C5orf47: variants seen among roughly 807,000 people sequenced by gnomAD.
C5orf47 encodes chromosome 5 open reading frame 47.
A neutral mutation model predicts 20.6 loss-of-function variants in C5orf47; 20 were observed. That is an observed-to-expected ratio of 0.97 (90% confidence interval 0.68 to 1.41). The LOEUF is 1.41. C5orf47 is among the 40% of genes most tolerant of loss of function. The pLI, the probability that C5orf47 is intolerant of heterozygous loss-of-function variation, is 0.00. For synonymous variants in C5orf47, 106 were observed against 97.3 expected, an observed-to-expected ratio of 1.09 and a Z score of -0.53; for missense variants, 262 against 238.4, an observed-to-expected ratio of 1.10 and a Z score of -0.65.
At chr5:174,003,252 G>A (rs960904390) in intron 4 of C5orf47, among the ~76,000 whole-genome samples, 5 of 152,238 alleles carry the variant, frequency 3.3e-5, no homozygotes, top group Admixed American at 3.3e-4. Context: ...GATGTCATTT[G>A]TGGAAAGATT....
chr5:173,990,564 A>G (rs780163868), intron 1 of C5orf47, among the ~76,000 whole-genome samples: 2 of 152,010 alleles, frequency 1.3e-5, no homozygotes, highest in African/African-American at 2.4e-5. Context: ...CCTCCCAGGT[A>G]GCTGAGATTA....
At position 173,998,173 on chromosome 5, in the gene C5orf47, G is replaced by A; in HGVS notation, c.346G>A (p.Ala116Thr). Residue 116 changes from alanine (A) to threonine (T), a missense_variant, in exon 2 of 5, where the codon GCT becomes ACT. By Grantham distance (58) the Ala-to-Thr change is moderately conservative. Coordinates refer to ENST00000340147, the MANE Select transcript of C5orf47 (RefSeq NM_001144954.2). Reference sequence around the variant, plus strand: ...ATTAGGTTTAATCCAGAAGGATGCAGCTAAAAAGTATGATTTTCCCATACC... The same window carrying A: ...ATTAGGTTTAATCCAGAAGGATGCAACTAAAAAGTATGATTTTCCCATACC... ...ARAGLIQKDA[A>T]KKYDFPIPLN... 3 of 1,541,418 alleles carry A rather than the reference G, an allele frequency of 1.9e-6. No individual in the cohort carries two copies. The highest frequency in any genetic ancestry group is 2.6e-6 in the Non-Finnish European group (3 of 1,140,820).
At chr5:173,994,245 C>T (rs1250622581) in intron 1 of C5orf47, among the ~76,000 whole-genome samples, 2 of 152,216 alleles carry the variant, frequency 1.3e-5, no homozygotes, top group African/African-American at 4.8e-5. Flanking sequence ...CGGTGCATCT[C>T]ATCGATTTGC....
downstream of C5orf47, among the ~76,000 whole-genome samples, chr5:174,006,429 AT>A (rs758978562): frequency 2.0e-5 from 3 of 152,198 alleles, no homozygotes; most frequent in Non-Finnish European, 4.4e-5. Flanking sequence ...TCAAAATATC[AT>A]TCAGCCATTT....
chr5:174,003,993 C>A (rs148119769), intron 4 of C5orf47, among the ~76,000 whole-genome samples: 225 of 152,294 alleles, frequency 1.5e-3, no homozygotes, highest in African/African-American at 5.1e-3. Context: ...AAGCCTGTGA[C>A]ACAATGTTTC....
downstream of C5orf47, among the ~76,000 whole-genome samples, chr5:174,008,998 A>G (rs1459505658): frequency 1.3e-5 from 2 of 152,164 alleles, no homozygotes; most frequent in African/African-American, 2.4e-5. Context: ...GTAGACTATC[A>G]TAAAATGGAA....
intron 3 of C5orf47, 23 bp downstream of exon 3, chr5:173,999,822 G>A: frequency 7.7e-7 from 1 of 1,294,576 alleles, no homozygotes; most frequent in Middle Eastern, 1.8e-4. Flanking sequence ...AATTTTTATT[G>A]TATTAAAAAG....
downstream of C5orf47, among the ~76,000 whole-genome samples, chr5:174,006,592 AT>A (rs774855108): frequency 1.3e-5 from 2 of 152,210 alleles, no homozygotes; most frequent in Non-Finnish European, 2.9e-5. Context: ...GTCTTGGGTA[AT>A]CTGGGAATCT....
chr5:174,003,382 C>G (rs933193718), intron 4 of C5orf47, among the ~76,000 whole-genome samples: 1 of 151,972 alleles, frequency 6.6e-6, no homozygotes, highest in Non-Finnish European at 1.5e-5. Context: ...GATAGATGAT[C>G]AGGTATGGGG....
At chr5:173,999,978 GCAGTGAGCA>G (rs1759166950) in intron 3 of C5orf47, among the ~76,000 whole-genome samples, 179 bp downstream of exon 3, 1 of 151,936 alleles carries the variant, frequency 6.6e-6, no homozygotes, top group African/African-American at 2.4e-5. Context: ...GCACCTGCAA[GCAGTGAGCA>G]CAGAGAGCAC....
rs764391824 is a variant in C5orf47, at chr5:173,989,391, A to G, written c.128A>G (p.Gln43Arg). Reference protein sequence around the residue: ...GGRGAQGLWGQGPGAGCRQEK... With the variant: ...GGRGAQGLWGRGPGAGCRQEK... ...CGTGGAGCTCAAGGCCTTTGGGGTC[A>G]GGGGCCTGGGGCAGGCTGTCGCCAG... is the stretch of plus-strand genomic sequence containing the variant. Residue 43 changes from glutamine (Q) to arginine (R), a missense_variant, in exon 1 of 5, where the codon CAG becomes CGG. Coordinates refer to ENST00000340147, the MANE Select transcript of C5orf47 (RefSeq NM_001144954.2). 6.5e-7 allele frequency: 1 copy of G among 1,541,608 alleles called. No individual in the cohort carries two copies. Among genetic ancestry groups the G allele is most frequent in the Non-Finnish European group, 8.8e-7 (1 of 1,142,142 alleles).
chr5:174,008,687 C>T (rs954796699), downstream of C5orf47, among the ~76,000 whole-genome samples: 1 of 151,898 alleles, frequency 6.6e-6, no homozygotes, highest in African/African-American at 2.4e-5. Context: ...AAAAAATTAG[C>T]CGGGCTCGGT....
chr5:173,989,575 G>A lies in C5orf47; in HGVS notation c.312G>A (p.Gln104=). Residue 104 remains glutamine (Q), a synonymous_variant, in exon 1 of 5, where the codon CAG becomes CAA. Coordinates refer to ENST00000340147, the MANE Select transcript of C5orf47 (RefSeq NM_001144954.2). ...CGAGAGTTCAGAGCGGCACCAGACA[G>A]TCGGCGCGTGCAGGTGGTGCAGCGG... is the stretch of plus-strand genomic sequence containing the variant. The part of the protein sequence containing the change: ...RASRVQSGTR[Q]SARAGLIQKD... The A allele has an allele frequency of 6.8e-7, 1 of 1,462,208 alleles. No individual in the cohort carries two copies. The highest frequency in any genetic ancestry group is 9.0e-7 in the Non-Finnish European group (1 of 1,106,724). 90.6% of individuals were successfully genotyped at this position (1,462,208 alleles called of 1,614,324 possible).
At chr5:174,008,822 CAAAAAAAAAA>C (rs57488841), downstream of C5orf47, among the ~76,000 whole-genome samples, 1 of 75,452 alleles carries the variant, frequency 1.3e-5, no homozygotes, top group Non-Finnish European at 3.1e-5. Flanking sequence ...GACTCCATCT[CAAAAAAAAAA>C]AAAAAAAAAG....
Position 173,989,493 on chromosome 5 carries a change from T to C in C5orf47, c.230T>C (p.Val77Ala). ...SELPLGSQLR[V>A]PTTPGVEAAA... ...CTGCCCCTCGGTTCCCAGCTCAGGG[T>C]CCCCACGACCCCTGGTGTGGAGGCT... is the stretch of plus-strand genomic sequence containing the variant. The change falls in exon 1 of 5, where the codon GTC becomes GCC. Residue 77 changes from valine (V) to alanine (A), a missense_variant. Val to Ala is a moderately conservative substitution (Grantham distance 64). Coordinates refer to ENST00000340147, the MANE Select transcript of C5orf47 (RefSeq NM_001144954.2). 1 of 1,546,478 alleles carries C rather than the reference T, an allele frequency of 6.5e-7. No individual in the cohort carries two copies. The highest frequency in any genetic ancestry group is 1.2e-5 in the South Asian group (1 of 83,428).
chr5:174,007,190 CACA>C (rs1027076361), downstream of C5orf47, among the ~76,000 whole-genome samples: 4 of 152,014 alleles, frequency 2.6e-5, no homozygotes, highest in African/African-American at 4.8e-5. Context: ...TAAGAGTTAT[CACA>C]ACGAGGAAGG....
chr5:173,996,023 A>G (rs1345253496), intron 1 of C5orf47, among the ~76,000 whole-genome samples: 1 of 152,252 alleles, frequency 6.6e-6, no homozygotes. Flanking sequence ...ATTTGTATGT[A>G]ATGGAAGATG....
chr5:173,994,822 T>C (rs539493946), intron 1 of C5orf47, among the ~76,000 whole-genome samples: 2 of 152,134 alleles, frequency 1.3e-5, no homozygotes, highest in Non-Finnish European at 2.9e-5. Flanking sequence ...TTTGTTTTTG[T>C]TTTTGTTTTG....
intron 1 of C5orf47, among the ~76,000 whole-genome samples, chr5:173,990,617 T>G (rs1758976499): frequency 6.6e-6 from 1 of 152,178 alleles, no homozygotes; most frequent in African/African-American, 2.4e-5. Flanking sequence ...TTTCTATTTT[T>G]AGTAGGGATG....
Sources: gnomAD v4.1 joint callset for allele counts (sites outside exome capture counted in the v4.1 genomes callset) on GRCh38, gnomAD v4.1.1 for gene constraint, MANE v1.5 for transcripts, NCBI Gene and HGNC (gene_info 2026-07-23, HGNC 2026-07-21) for gene names.